TRPM4: variants seen among roughly 807,000 people sequenced by gnomAD.
The protein encoded by TRPM4 is calcium-activated non-selective cation channel 1.
Under a neutral mutation model 135.6 loss-of-function variants are expected in TRPM4, and 124 were observed. That is an observed-to-expected ratio of 0.91 (90% CI 0.79 to 1.06). TRPM4 has a LOEUF of 1.06. Among genes scored for constraint, TRPM4 ranks in the 50% least tolerant of loss-of-function variants. TRPM4 has a pLI of 0.00. For synonymous variants in TRPM4, 745 were observed against 705.6 expected (o/e 1.06, Z -0.88); for missense variants, 1,658 against 1,671.4 (o/e 0.99, Z 0.14).
rs1490908470 is a variant in TRPM4 at position 49,196,443 on chromosome 19, G to T, written c.2214G>T (p.Thr738=). The T allele has an allele frequency of 1.9e-6, 3 of 1,540,376 alleles. No individual in the cohort carries two copies. Among genetic ancestry groups the T allele is most frequent in the Non-Finnish European group, 8.7e-7 (1 of 1,146,430 alleles). The stretch of plus-strand genomic sequence containing the variant: ...CTTCTCTTCTCTTCCCCCACAGGAC[G>T]GCGGACCCAGCCGAGAAGACGCCGC... ...SVINGEGPVG[T]ADPAEKTPLG... is the part of the protein sequence containing the mutation. Residue 738 remains threonine (T), a synonymous_variant, in exon 17 of 25, where the codon ACG becomes ACT. Transcript: ENST00000252826.
At chr19:49,201,160 C>G (rs1482424201) in intron 19 of TRPM4, among the ~76,000 whole-genome samples, 2 of 151,936 alleles carry the variant, frequency 1.3e-5, no homozygotes, top group Non-Finnish European at 1.5e-5. Flanking sequence ...TGAGAGTACA[C>G]GGAACAAAGG....
At chr19:49,174,184 G>A (rs566325174) in intron 9 of TRPM4, among the ~76,000 whole-genome samples, 1 of 152,010 alleles carries the variant, frequency 6.6e-6, no homozygotes, top group Admixed American at 6.5e-5. Flanking sequence ...ACAGAGTCTT[G>A]CTCTGTCGCC....
intron 9 of TRPM4, among the ~76,000 whole-genome samples, chr19:49,177,330 C>CT (rs36041791): frequency 0.037 from 4,358 of 117,220 alleles, 176 homozygotes; most frequent in South Asian, 0.057. Context: ...ATGAATGCGT[C>CT]TTTTTTTTTT....
In TRPM4 at chr19:49,182,788, A is replaced by G. The variant is rs1403797682; in HGVS notation, c.1474A>G (p.Lys492Glu). 6.3e-7 allele frequency: 1 copy of G among 1,577,610 alleles called. No homozygotes were observed. Among genetic ancestry groups the G allele is most frequent in the Non-Finnish European group, 8.7e-7 (1 of 1,148,820 alleles). ...HSAGTKAPAL[K>E]GGAAELRPPD... ...CGCAGGCACCAAAGCCCCAGCCCTA[A>G]AAGGGGGAGCTGCGGAGCTCCGGCC... is the stretch of plus-strand genomic sequence containing the variant. The change falls in exon 11 of 25, where the codon AAA (lysine) becomes GAA (glutamate). Residue 492 changes from lysine (K) to glutamate (E), a missense_variant. By Grantham distance (56) the Lys-to-Glu change is moderately conservative (BLOSUM62 1). This residue lies in a region of TRPM4 where 1,412 missense variants were observed against 1,408.7 expected (regional missense o/e 1.00). Coordinates refer to ENST00000252826, the MANE Select transcript of TRPM4 (RefSeq NM_017636.4).
intron 16 of TRPM4, among the ~76,000 whole-genome samples, chr19:49,194,664 C>CCTCT (rs1968560288): frequency 7.3e-6 from 1 of 136,578 alleles, no homozygotes; most frequent in African/African-American, 2.8e-5. Flanking sequence ...TCTCTCTGTC[C>CCTCT]CTCCCTCCCT....
At position 49,211,510 on chromosome 19, in the gene TRPM4, G is replaced by A. The variant is rs761801567; in HGVS notation, c.*12G>A. On this transcript the variant is annotated 3_prime_UTR_variant, in exon 25 of 25. Coordinates refer to ENST00000252826, the MANE Select transcript of TRPM4 (RefSeq NM_017636.4). The surrounding 1 kb of genome is among the most constrained non-coding windows in gnomAD (Gnocchi z 4.8). The stretch of plus-strand genomic sequence containing the variant: ...TTCCCCCAGACTGAGCCCTGCTGGC[G>A]GACTTCAAGGAGAAGCCCCCACAGG... 19 of 1,613,844 alleles carry A rather than the reference G, an allele frequency of 1.2e-5. No individual in the cohort carries two copies. In the Middle Eastern group the frequency reaches 6.6e-4, roughly 56 times the overall value.
chr19:49,162,854 C>T (rs758160551), intron 2 of TRPM4, among the ~76,000 whole-genome samples: 7 of 151,844 alleles, frequency 4.6e-5, no homozygotes, highest in South Asian at 2.1e-4. Context: ...CTCCGCCTCC[C>T]GGGTTCATGC....
chr19:49,176,636 G>A (rs922234597), intron 9 of TRPM4, among the ~76,000 whole-genome samples: 1 of 152,198 alleles, frequency 6.6e-6, no homozygotes, highest in Non-Finnish European at 1.5e-5. Context: ...AGGATCACTT[G>A]AGGTCAGGAG....
At chr19:49,200,814 C>T (rs1395229002) in intron 19 of TRPM4, 29 bp downstream of exon 19, 1 of 1,612,168 alleles carries the variant, frequency 6.2e-7, no homozygotes, top group South Asian at 1.1e-5. Context: ...TGACAGCCTT[C>T]CTCTGAGTCT....
intron 16 of TRPM4, among the ~76,000 whole-genome samples, chr19:49,193,200 C>T (rs1161100750): frequency 6.6e-6 from 1 of 151,694 alleles, no homozygotes; most frequent in East Asian, 1.9e-4. Context: ...CCTGCCTCAG[C>T]CTCCTGAGTA....
chr19:49,174,395 T>C (rs1600429731), intron 9 of TRPM4, among the ~76,000 whole-genome samples: 1 of 151,158 alleles, frequency 6.6e-6, no homozygotes, highest in East Asian at 2.0e-4. Context: ...TCATGATCCA[T>C]CCACCTCGGC....
chr19:49,208,327 C>A (rs1739576618), intron 20 of TRPM4, among the ~76,000 whole-genome samples: 2 of 151,758 alleles, frequency 1.3e-5, no homozygotes, highest in South Asian at 2.1e-4. Flanking sequence ...TCTCTAAACT[C>A]CCCCGGGGAA....
At chr19:49,168,158 G>A (rs934487270) in intron 4 of TRPM4, 61 bp downstream of exon 4, 8 of 1,586,982 alleles carry the variant, frequency 5.0e-6, no homozygotes, top group Admixed American at 5.0e-5. Context: ...TCTCCCCCAC[G>A]ACTGTGGGTG....
At chr19:49,160,043 G>C (rs1025002287) in intron 2 of TRPM4, 2 of 152,246 alleles carry the variant, frequency 1.3e-5, no homozygotes, top group Non-Finnish European at 1.5e-5. Context: ...AGGGGTTGCA[G>C]CTCCCAAAGA....
At position 49,196,617 on chromosome 19, in the gene TRPM4, T is replaced by G; in HGVS notation, c.2388T>G (p.Leu796=). The change falls in exon 17 of 25, where the codon CTT becomes CTG. Residue 796 remains leucine, a synonymous_variant. Transcript: ENST00000252826. ...TCAGCTACCTGCTGTTCCTGCTGCT[T>G]TTCTCGCGGGTGCTGCTCGTGGATT... ...NVVSYLLFLL[L]FSRVLLVDFQ... 1 of 1,554,084 alleles carries G rather than the reference T, an allele frequency of 6.4e-7. No homozygotes were observed. The highest frequency in any genetic ancestry group is 8.7e-7 in the Non-Finnish European group (1 of 1,152,162).
Position 49,210,735 on chromosome 19 carries a change from G to A in TRPM4, c.3354G>A (p.Glu1118=). 2.5e-6 allele frequency: 4 copies of A among 1,614,190 alleles called. No individual in the cohort carries two copies. Among genetic ancestry groups the A allele is most frequent in the Non-Finnish European group, 3.4e-6 (4 of 1,180,042 alleles). The change falls in exon 22 of 25, where the codon GAG becomes GAA. Residue 1118 remains glutamate (E), a synonymous_variant. Coordinates refer to ENST00000252826, the MANE Select transcript of TRPM4 (RefSeq NM_017636.4). This position sits in a 1 kb window ranked among gnomAD's most constrained non-coding sequence, Gnocchi z 4.1. ...GGGTTTACCTTTCTAAGGAAGCCGA[G>A]CGGAAGCTGCTAACGTGGGAATCGG... ...HFRVYLSKEA[E]RKLLTWESVH...
chr19:49,183,233 C>T, intron 12 of TRPM4, 21 bp downstream of exon 12: 4 of 1,613,930 alleles, frequency 2.5e-6, no homozygotes, highest in Non-Finnish European at 3.4e-6. Context: ...ACTTGGCGCT[C>T]CTGCATCCCT....
intron 9 of TRPM4, among the ~76,000 whole-genome samples, chr19:49,177,049 T>C (rs776091260): frequency 4.6e-5 from 7 of 152,196 alleles, no homozygotes; most frequent in Admixed American, 3.3e-4. Flanking sequence ...AGGGATCTCC[T>C]CTTAATATGA....
At chr19:49,203,154 GTGCTA>G (rs1969003995) in intron 20 of TRPM4, among the ~76,000 whole-genome samples, 1 of 151,640 alleles carries the variant, frequency 6.6e-6, no homozygotes. Flanking sequence ...GCCTCCCAAA[GTGCTA>G]GGATTACAGG....
Sources: allele counts gnomAD v4.1 joint callset (sites outside exome capture counted in the v4.1 genomes callset), GRCh38; gene constraint gnomAD v4.1.1; regional missense constraint gnomAD v4.1.1; non-coding constraint Gnocchi (gnomAD v3.1); transcripts MANE v1.5; gene names NCBI Gene and HGNC (gene_info 2026-07-23, HGNC 2026-07-21).